The following PRRX2 variants were observed in gnomAD, a reference collection of about 807,000 sequenced individuals.
The protein encoded by PRRX2 is paired related homeobox 2.
In PRRX2, 11 loss-of-function variants were observed where a neutral mutation model predicts 18.0. The observed-to-expected ratio is 0.61, with a 90% CI of 0.39 to 1.01. The LOEUF is 1.01. PRRX2 is among the 50% of genes least tolerant of loss of function. The pLI, the probability that PRRX2 is intolerant of heterozygous loss-of-function variation, is 0.01. For missense variants in PRRX2, 387 were observed against 351.0 expected (o/e 1.10, Z -0.82); for synonymous variants, 177 against 154.8 (o/e 1.14, Z -1.06).
intron 1 of PRRX2, among the ~76,000 whole-genome samples, chr9:129,679,444 A>G (rs1312763229): frequency 1.3e-5 from 2 of 152,166 alleles, no homozygotes; most frequent in African/African-American, 2.4e-5. Context: ...CACCCTCTGC[A>G]TGGATCATCT....
chr9:129,677,327 A>T, intron 1 of PRRX2, among the ~76,000 whole-genome samples: 1 of 152,244 alleles, frequency 6.6e-6, no homozygotes, highest in Admixed American at 6.5e-5. Context: ...GCTTAGAAGG[A>T]TAAAGTGACT....
intron 1 of PRRX2, among the ~76,000 whole-genome samples, chr9:129,685,015 C>T (rs1832285368): frequency 6.6e-6 from 1 of 152,240 alleles, no homozygotes; most frequent in South Asian, 2.1e-4. Flanking sequence ...CTTCCACCAT[C>T]TTGTCCCCTC....
At chr9:129,678,324 C>A (rs71499474) in intron 1 of PRRX2, among the ~76,000 whole-genome samples, 6,436 of 152,172 alleles carry the variant, frequency 0.042, 155 homozygotes, top group African/African-American at 0.074. Flanking sequence ...TCAGGGAGGC[C>A]TTCTGTGAAT....
At chr9:129,673,049 A>G (rs1832119905) in intron 1 of PRRX2, among the ~76,000 whole-genome samples, 1 of 152,224 alleles carries the variant, frequency 6.6e-6, no homozygotes, top group South Asian at 2.1e-4. Flanking sequence ...AGTGGCATAC[A>G]GTGGACAGCG....
intron 1 of PRRX2, among the ~76,000 whole-genome samples, chr9:129,680,400 C>CAAAAAAA (rs1207606607): frequency 1.2e-5 from 1 of 85,844 alleles, no homozygotes; most frequent in African/African-American, 5.1e-5. Flanking sequence ...GACTCCGTCT[C>CAAAAAAA]AAAAAAAAAA....
At chr9:129,721,525 T>C (rs1832791938) in intron 3 of PRRX2, among the ~76,000 whole-genome samples, 1 of 152,008 alleles carries the variant, frequency 6.6e-6, no homozygotes, top group African/African-American at 2.4e-5. Context: ...CCCTCCTAAC[T>C]TCCCTCCCTA....
intron 1 of PRRX2, among the ~76,000 whole-genome samples, chr9:129,713,746 T>G (rs1160174403): frequency 1.3e-5 from 2 of 151,942 alleles, no homozygotes; most frequent in African/African-American, 4.8e-5. Context: ...TTCTCCTGCC[T>G]CGGCCTCCTG....
chr9:129,706,569 A>T (rs1437714181), intron 1 of PRRX2, among the ~76,000 whole-genome samples: 2 of 151,972 alleles, frequency 1.3e-5, no homozygotes, highest in Admixed American at 6.6e-5. Flanking sequence ...TCTCAAAAAA[A>T]AAAAAATAAT....
In PRRX2 at chr9:129,709,538, CTT is replaced by C. The variant is rs1832595671; in HGVS notation, c.260-9692_260-9691del. 6.6e-6 allele frequency among the ~76,000 whole-genome samples: 1 copy of C among 152,210 alleles called. No homozygotes were observed. The highest frequency in any genetic ancestry group is 2.4e-5 in the African/African-American group (1 of 41,460). On this transcript the variant is annotated intron_variant, in intron 1 of 3. Transcript: ENST00000372469. The surrounding 1 kb of genome is among the most constrained non-coding windows in gnomAD (Gnocchi z 4.2). ...GGTTGGGTGGCCCATGCCTCTCGCTCTTGTGTGCTGTGCCGAGGCCGGGGAAG... is the reference window on the plus strand; with the variant it reads ...GGTTGGGTGGCCCATGCCTCTCGCTCGTGTGCTGTGCCGAGGCCGGGGAAG...
chr9:129,720,611 C>G lies in PRRX2; in HGVS notation c.463C>G (p.Arg155Gly). 6.2e-7 allele frequency: 1 copy of G among 1,609,736 alleles called. No individual in the cohort carries two copies. Among genetic ancestry groups the G allele is most frequent in the East Asian group, 2.2e-5 (1 of 44,756 alleles). ...CCACCCACAGGTCTGGTTTCAGAAC[C>G]GCCGCGCCAAGTTCCGCAGGAATGA... ...EARVQVWFQN[R>G]RAKFRRNERA... is the part of the protein sequence containing the mutation. The change falls in exon 3 of 4, where the codon CGC becomes GGC. Residue 155 changes from arginine to glycine, a missense_variant. By Grantham distance (125) the Arg-to-Gly change is moderately radical. Coordinates refer to ENST00000372469, the MANE Select transcript of PRRX2 (RefSeq NM_016307.4).
intron 1 of PRRX2, among the ~76,000 whole-genome samples, chr9:129,710,529 C>T (rs906255102): frequency 2.0e-5 from 3 of 152,102 alleles, no homozygotes; most frequent in Admixed American, 6.5e-5. Context: ...GTCAAGAGAT[C>T]GAGACCATCC....
chr9:129,712,059 C>T (rs1017880951), intron 1 of PRRX2, among the ~76,000 whole-genome samples: 5 of 152,180 alleles, frequency 3.3e-5, no homozygotes, highest in Admixed American at 3.3e-4. Flanking sequence ...CCACTTCTTG[C>T]CTAAGACGTT....
At chr9:129,699,430 AAT>A (rs913461328) in intron 1 of PRRX2, among the ~76,000 whole-genome samples, 316 of 143,966 alleles carry the variant, frequency 2.2e-3, no homozygotes, top group Non-Finnish European at 3.7e-3. Flanking sequence ...TCTCAAAAAA[AAT>A]ATATATATGT....
At chr9:129,697,327 C>T (rs967858963) in intron 1 of PRRX2, among the ~76,000 whole-genome samples, 10 of 152,054 alleles carry the variant, frequency 6.6e-5, no homozygotes, top group African/African-American at 2.2e-4. Flanking sequence ...CCCGCTCCCC[C>T]TCCCCTAGGC....
intron 1 of PRRX2, among the ~76,000 whole-genome samples, chr9:129,698,331 C>T (rs1047605750): frequency 9.0e-5 from 13 of 144,832 alleles, no homozygotes; most frequent in African/African-American, 2.0e-4. Flanking sequence ...TAAGACCAGG[C>T]GGTGGTGCTG....
chr9:129,708,067 C>T (rs1026446585), intron 1 of PRRX2, among the ~76,000 whole-genome samples: 11 of 152,094 alleles, frequency 7.2e-5, no homozygotes, highest in Non-Finnish European at 1.6e-4. Flanking sequence ...ACTGGAGTCT[C>T]GCTCTGTTGC....
chr9:129,679,038 G>A (rs963002522), intron 1 of PRRX2, among the ~76,000 whole-genome samples: 10 of 152,196 alleles, frequency 6.6e-5, no homozygotes, highest in African/African-American at 2.2e-4. Flanking sequence ...GGTGGGGCAG[G>A]TGGCCGTGCC....
intron 1 of PRRX2, among the ~76,000 whole-genome samples, chr9:129,674,101 G>A (rs1832135353): frequency 6.6e-6 from 1 of 152,116 alleles, no homozygotes; most frequent in Non-Finnish European, 1.5e-5. Context: ...AATCGCACCA[G>A]ATCCTGGAAA....
chr9:129,670,021 A>G (rs2119048245), intron 1 of PRRX2, among the ~76,000 whole-genome samples: 1 of 144,268 alleles, frequency 6.9e-6, no homozygotes, highest in South Asian at 2.5e-4. Context: ...CCTGGCACCC[A>G]GCAGTCTGCT....
Sources: gnomAD v4.1 joint callset for allele counts (sites outside exome capture counted in the v4.1 genomes callset) on GRCh38, gnomAD v4.1.1 for gene constraint, Gnocchi (gnomAD v3.1) non-coding constraint, MANE v1.5 for transcripts, NCBI Gene and HGNC (gene_info 2026-07-23, HGNC 2026-07-21) for gene names.